TRIM5: variants seen among roughly 807,000 people sequenced by gnomAD.
TRIM5 encodes the protein tripartite motif-containing protein 5.
A neutral mutation model predicts 35.6 loss-of-function variants in TRIM5; 31 were observed. That is an observed-to-expected ratio of 0.87 (90% confidence interval 0.65 to 1.18). The LOEUF is 1.18. Ranked by LOEUF, TRIM5 falls within the 50% of genes most tolerant of loss-of-function variation. The pLI is 0.00. For missense variants in TRIM5, 609 were observed against 591.6 expected (o/e 1.03, Z -0.31); for synonymous variants, 243 against 215.6 (o/e 1.13, Z -1.11).
At chr11:5,610,741 C>A in the TRIM5 span, 1 of 1,602,992 alleles carries the variant, frequency 6.2e-7, no homozygotes. Context: ...CCCATGTCCC[C>A]GTTCTCATCT....
chr11:5,620,774 A>G, the TRIM5 span, among the ~76,000 whole-genome samples: 1 of 152,092 alleles, frequency 6.6e-6, no homozygotes, highest in Non-Finnish European at 1.5e-5. Context: ...TCTTCTTTCC[A>G]TTAAGTGAGA....
At chr11:5,639,645 A>G in the TRIM5 span, among the ~76,000 whole-genome samples, 40,718 of 136,762 alleles carry the variant, frequency 0.3, 6,549 homozygotes, top group East Asian at 0.65. Flanking sequence ...GCACCACTGC[A>G]CTCCAGCCTG....
At chr11:5,597,354 A>T in the TRIM5 span, among the ~76,000 whole-genome samples, 1 of 152,172 alleles carries the variant, frequency 6.6e-6, no homozygotes, top group Non-Finnish European at 1.5e-5. Flanking sequence ...GCCTAGCTTT[A>T]AAAAAATGCA....
chr11:5,683,575 T>G (rs993466723), intron 1 of TRIM5, among the ~76,000 whole-genome samples: 3 of 151,802 alleles, frequency 2.0e-5, no homozygotes, highest in African/African-American at 7.3e-5. Flanking sequence ...AGCTCAAGGT[T>G]TGTAAACACA....
intron 1 of TRIM5, among the ~76,000 whole-genome samples, chr11:5,682,328 C>T (rs12278842): frequency 5.9e-5 from 9 of 151,820 alleles, no homozygotes; most frequent in Admixed American, 2.0e-4. Flanking sequence ...TCCTGCTCTT[C>T]GTATCTCACC....
the TRIM5 span, chr11:5,604,503 A>T: frequency 1.3e-6 from 2 of 1,597,468 alleles, no homozygotes; most frequent in South Asian, 2.3e-5. Flanking sequence ...TGAAGGCTTG[A>T]TCCTGCTTGA....
At chr11:5,674,004 T>C (rs1277680096) in intron 4 of TRIM5, among the ~76,000 whole-genome samples, 1 of 150,328 alleles carries the variant, frequency 6.7e-6, no homozygotes, top group Non-Finnish European at 1.5e-5. Flanking sequence ...AACAAAAAAC[T>C]CAACGAAAAA....
At chr11:5,679,273 T>C (rs1378357525) in intron 2 of TRIM5, 104 bp from the exon 3 acceptor site, 3 of 994,922 alleles carry the variant, frequency 3.0e-6, no homozygotes, top group Non-Finnish European at 4.5e-6. Flanking sequence ...GAAACAAATT[T>C]GCAGAAACTG....
chr11:5,659,673 G>A (rs377145820), downstream of TRIM5, among the ~76,000 whole-genome samples: 9 of 151,630 alleles, frequency 5.9e-5, no homozygotes, highest in Middle Eastern at 3.2e-3. Flanking sequence ...ACAGACCATA[G>A]AACATACTGA....
chr11:5,636,833 T>G, the TRIM5 span, among the ~76,000 whole-genome samples: 1 of 152,318 alleles, frequency 6.6e-6, no homozygotes, highest in Non-Finnish European at 1.5e-5. Flanking sequence ...ACTTTGGCTA[T>G]TCCTCTCCAA....
chr11:5,628,258 C>G, the TRIM5 span, among the ~76,000 whole-genome samples: 1 of 152,196 alleles, frequency 6.6e-6, no homozygotes, highest in Non-Finnish European at 1.5e-5. Flanking sequence ...TGGAGCCCCC[C>G]GGTATTTCTA....
Position 5,670,378 on chromosome 11 carries a change from GT to G in TRIM5, c.745-2668del, listed in dbSNP as rs373093834. The stretch of plus-strand genomic sequence containing the variant: ...TCTTTTGTATTTTTAGTAGAGATGG[GT>G]TTTCACCGTGTAAGCCAGGATGGTC... On this transcript the variant is annotated intron_variant, in intron 4 of 7. Transcript: ENST00000380034. Among the ~76,000 whole-genome samples the G allele has an allele frequency of 1.5e-3, 228 of 151,494 alleles. 1 individual carries two copies. Among genetic ancestry groups the G allele is most frequent in the African/African-American group, 5.2e-3 (213 of 41,316 alleles).
the TRIM5 span, among the ~76,000 whole-genome samples, chr11:5,648,002 C>G: frequency 1.3e-5 from 2 of 152,216 alleles, no homozygotes; most frequent in Non-Finnish European, 2.9e-5. Context: ...TTAGAATGCT[C>G]AAACCCTAAA....
chr11:5,665,374 T>A lies in TRIM5; in HGVS notation c.917A>T (p.Asn306Ile). 6.2e-7 allele frequency: 1 copy of A among 1,611,062 alleles called. No homozygotes were observed. Among genetic ancestry groups the A allele is most frequent in the South Asian group, 1.1e-5 (1 of 90,544 alleles). ...RYWVDVTVAP[N>I]NISCAVISED... ...AGAAATGACAGCACATGAAATGTTG[T>A]TTGGAGCCACTGTCACATCAACTGT... is the stretch of plus-strand genomic sequence containing the variant. The change falls in exon 8 of 8, where the codon AAC becomes ATC. Residue 306 changes from asparagine (N) to isoleucine (I), a missense_variant. By Grantham distance (149) the Asn-to-Ile change is moderately radical. Coordinates refer to ENST00000380034, the MANE Select transcript of TRIM5 (RefSeq NM_033034.3).
chr11:5,682,911 G>A (rs903887581), intron 1 of TRIM5, among the ~76,000 whole-genome samples: 2 of 152,230 alleles, frequency 1.3e-5, no homozygotes, highest in African/African-American at 2.4e-5. Context: ...GGCCAAGGCC[G>A]GAGCTGGCTC....
chr11:5,590,552 T>C, the TRIM5 span: 1 of 152,260 alleles, frequency 6.6e-6, no homozygotes, highest in East Asian at 1.9e-4. Flanking sequence ...ATCTAACTAA[T>C]CTGATGGGGA....
At chr11:5,603,869 T>G in the TRIM5 span, 8 of 1,437,360 alleles carry the variant, frequency 5.6e-6, no homozygotes, top group Non-Finnish European at 6.4e-6. Context: ...GCCTCCCTGA[T>G]TAAGAATAGA....
At chr11:5,602,207 A>G in the TRIM5 span, among the ~76,000 whole-genome samples, 107,522 of 151,866 alleles carry the variant, frequency 0.71, 39,174 homozygotes, top group South Asian at 0.81. Context: ...TTGGGAGGCC[A>G]AGGCGGGCGG....
chr11:5,599,041 C>T, the TRIM5 span, among the ~76,000 whole-genome samples: 12 of 152,182 alleles, frequency 7.9e-5, no homozygotes, highest in Admixed American at 5.9e-4. Context: ...TCTAGGATTT[C>T]ACATAAATAG....
Sources: gnomAD v4.1 joint callset for allele counts (sites outside exome capture counted in the v4.1 genomes callset) on GRCh38, gnomAD v4.1.1 for gene constraint, MANE v1.5 for transcripts, NCBI Gene and HGNC (gene_info 2026-07-23, HGNC 2026-07-21) for gene names.